PEX5L: variants seen among roughly 807,000 people sequenced by gnomAD.
The protein encoded by PEX5L is PEX5-related protein.
Under a neutral mutation model 84.0 loss-of-function variants are expected in PEX5L, and 30 were observed. The ratio of observed to expected loss-of-function variants is 0.36; its 90% confidence interval spans 0.27 to 0.48. The LOEUF (loss-of-function observed/expected upper bound fraction) is 0.48, where lower values mean the gene tolerates loss of function less well. Among genes scored for constraint, PEX5L ranks in the 20% least tolerant of loss-of-function variants. The pLI is 0.99. For missense variants in PEX5L, 533 were observed against 754.6 expected (o/e 0.71, Z 3.44); for synonymous variants, 270 against 283.1 (o/e 0.95, Z 0.46).
chr3:179,857,434 T>C (rs1455678166), intron 8 of PEX5L, among the ~76,000 whole-genome samples: 1 of 152,210 alleles, frequency 6.6e-6, no homozygotes, highest in Non-Finnish European at 1.5e-5. Flanking sequence ...TAGCCCCTAA[T>C]TGGAAGTGTT....
chr3:179,986,747 C>A (rs1412351249), intron 1 of PEX5L, among the ~76,000 whole-genome samples: 1 of 152,074 alleles, frequency 6.6e-6, no homozygotes, highest in Non-Finnish European at 1.5e-5. Flanking sequence ...GGTCACACAA[C>A]CTATAAATGG....
At chr3:180,010,267 C>CTTTTTTTTT (rs1561058961) in intron 1 of PEX5L, among the ~76,000 whole-genome samples, 1 of 91,148 alleles carries the variant, frequency 1.1e-5, no homozygotes, top group African/African-American at 3.6e-5. Flanking sequence ...TTTTTTTTTT[C>CTTTTTTTTT]TGTAGAGATG....
intron 10 of PEX5L, among the ~76,000 whole-genome samples, chr3:179,813,884 G>T (rs2108843725): frequency 6.6e-6 from 1 of 150,664 alleles, no homozygotes; most frequent in East Asian, 1.9e-4. Flanking sequence ...CACCTTGTTA[G>T]CCAGGATGGT....
intron 2 of PEX5L, 89 bp from the exon 3 acceptor site, chr3:179,898,335 C>A: frequency 1.1e-6 from 1 of 908,890 alleles, no homozygotes; most frequent in South Asian, 2.1e-5. Context: ...AAAGAGCAAT[C>A]CAACATAAAT....
intron 8 of PEX5L, among the ~76,000 whole-genome samples, chr3:179,820,919 A>T (rs1728275819): frequency 6.6e-6 from 1 of 151,922 alleles, no homozygotes; most frequent in South Asian, 2.1e-4. Flanking sequence ...TTAGTGGGAG[A>T]CTGGTGCTCA....
rs1716457371 is a variant in PEX5L, at chr3:179,795,210, C to CATT, written c.*6615_*6617dup. ...AGAAGGAGTTCTGATCCCCAAATCC[C>CATT]ATTTTGAAAGATTCCTGAAAAGACC... On this transcript the variant is annotated 3_prime_UTR_variant, in exon 15 of 15. Coordinates refer to ENST00000467460, the MANE Select transcript of PEX5L (RefSeq NM_016559.3). 1 of 152,120 alleles carries CATT rather than the reference C, an allele frequency of 6.6e-6. No homozygotes were observed. Among genetic ancestry groups the CATT allele is most frequent in the South Asian group, 2.1e-4 (1 of 4,830 alleles). The allele number at this position is 152,120 out of a possible 1,614,324, so 9.4% of individuals were successfully genotyped here.
Position 179,947,306 on chromosome 3 carries a change from T to A in PEX5L, c.93+24288A>T, listed in dbSNP as rs190088021. 3.7e-4 allele frequency among the ~76,000 whole-genome samples: 56 copies of A among 152,190 alleles called. 1 individual carries two copies. The East Asian group carries it at 0.011, about 29-fold the overall frequency. On this transcript the variant is annotated intron_variant, in intron 2 of 14. Coordinates refer to ENST00000467460, the MANE Select transcript of PEX5L (RefSeq NM_016559.3). Reference sequence around the variant, plus strand: ...ACAGTTACCATTAATTGAATAAAAATTATATTTTTATTATAATAAATATTA... The same window carrying A: ...ACAGTTACCATTAATTGAATAAAAAATATATTTTTATTATAATAAATATTA...
chr3:180,004,003 C>A (rs944638577), intron 1 of PEX5L, among the ~76,000 whole-genome samples: 1 of 152,108 alleles, frequency 6.6e-6, no homozygotes, highest in African/African-American at 2.4e-5. Context: ...TTATGTTTGT[C>A]CCCCCGCCCA....
chr3:180,018,566 T>C (rs1275233777), intron 1 of PEX5L, among the ~76,000 whole-genome samples: 1 of 152,216 alleles, frequency 6.6e-6, no homozygotes, highest in South Asian at 2.1e-4. Context: ...CCAATATTTA[T>C]GGCTGTGCAA....
intron 8 of PEX5L, among the ~76,000 whole-genome samples, chr3:179,839,976 C>T (rs970983543): frequency 6.6e-6 from 1 of 151,802 alleles, no homozygotes; most frequent in African/African-American, 2.4e-5. Context: ...GCAGAAGATG[C>T]AGAGATGAGA....
At chr3:179,805,608 T>C (rs943254749) in intron 14 of PEX5L, among the ~76,000 whole-genome samples, 2 of 152,206 alleles carry the variant, frequency 1.3e-5, no homozygotes, top group African/African-American at 4.8e-5. Context: ...GAGGAACCCA[T>C]GGATATGGTG....
chr3:180,035,098 T>C (rs529623592), intron 1 of PEX5L, among the ~76,000 whole-genome samples: 56 of 152,300 alleles, frequency 3.7e-4, no homozygotes, highest in South Asian at 2.7e-3. Flanking sequence ...GTCAATTTTG[T>C]GTAAATGAAC....
intron 1 of PEX5L, among the ~76,000 whole-genome samples, chr3:179,990,709 G>C (rs558443048): frequency 6.6e-6 from 1 of 152,176 alleles, no homozygotes; most frequent in African/African-American, 2.4e-5. Flanking sequence ...AGCCCATTCT[G>C]ATATCTTTAC....
intron 1 of PEX5L, 36 bp downstream of exon 1, chr3:180,036,543 C>T: frequency 6.2e-7 from 1 of 1,607,094 alleles, no homozygotes; most frequent in Middle Eastern, 1.7e-4. Context: ...AAATTAGCCC[C>T]CAAGAATTCT....
At chr3:179,866,391 T>A (rs536188953) in intron 7 of PEX5L, among the ~76,000 whole-genome samples, 1 of 152,290 alleles carries the variant, frequency 6.6e-6, no homozygotes, top group East Asian at 1.9e-4. Context: ...TGAGGCCAAA[T>A]CCTGGTTTAC....
At chr3:179,873,024 C>T (rs548800300) in intron 7 of PEX5L, among the ~76,000 whole-genome samples, 1 of 152,278 alleles carries the variant, frequency 6.6e-6, no homozygotes, top group East Asian at 1.9e-4. Flanking sequence ...TAATCGTCCT[C>T]TCTTGTGGAG....
chr3:179,815,159 T>C (rs1725546251), intron 10 of PEX5L, among the ~76,000 whole-genome samples: 1 of 152,256 alleles, frequency 6.6e-6, no homozygotes, highest in South Asian at 2.1e-4. Context: ...AGCCAGGACC[T>C]GGTCTAATTT....
chr3:179,902,486 C>T (rs1371606902), intron 2 of PEX5L, among the ~76,000 whole-genome samples: 2 of 152,190 alleles, frequency 1.3e-5, no homozygotes, highest in East Asian at 1.9e-4. Flanking sequence ...CTCACAAGCA[C>T]GTTTCTAACA....
At chr3:179,891,169 G>A (rs1011235284) in intron 3 of PEX5L, among the ~76,000 whole-genome samples, 6 of 151,786 alleles carry the variant, frequency 4.0e-5, no homozygotes, top group African/African-American at 7.3e-5. Context: ...GGAAGTCTGT[G>A]TCTTTCCACA....
Sources: allele counts gnomAD v4.1 joint callset (sites outside exome capture counted in the v4.1 genomes callset), GRCh38; gene constraint gnomAD v4.1.1; transcripts MANE v1.5; gene names NCBI Gene and HGNC (gene_info 2026-07-23, HGNC 2026-07-21).